The following TNRC6B variants were observed in gnomAD, a reference collection of about 807,000 sequenced individuals.
TNRC6B encodes the protein trinucleotide repeat containing adaptor 6B.
TNRC6B carries 52 observed loss-of-function variants against 203.6 expected under a neutral mutation model. That is an observed-to-expected ratio of 0.26 (90% CI 0.20 to 0.32). The LOEUF (loss-of-function observed/expected upper bound fraction) is 0.32. TNRC6B is among the 10% of genes least tolerant of loss of function. The pLI is 1.00. For synonymous variants in TNRC6B, 838 were observed against 845.7 expected (o/e 0.99, Z 0.16); for missense variants, 1,923 against 2,286.2 (o/e 0.84, Z 3.24).
intron 1 of TNRC6B, among the ~76,000 whole-genome samples, chr22:40,218,711 G>A (rs893433584): frequency 5.3e-5 from 8 of 152,116 alleles, no homozygotes; most frequent in Non-Finnish European, 7.4e-5. Flanking sequence ...TTATTTAAGT[G>A]CCTTTCTTGG....
intron 1 of TNRC6B, among the ~76,000 whole-genome samples, chr22:40,087,559 T>C (rs1190163518): frequency 1.3e-5 from 2 of 152,112 alleles, no homozygotes; most frequent in Non-Finnish European, 2.9e-5. Flanking sequence ...TACAGGGAGC[T>C]GTAAGAGTGA....
intron 3 of TNRC6B, among the ~76,000 whole-genome samples, chr22:40,153,185 CA>C (rs890774155): frequency 2.0e-5 from 3 of 152,224 alleles, no homozygotes; most frequent in African/African-American, 4.8e-5. Flanking sequence ...TTCAAGGTCT[CA>C]AAAAAATTCA....
intron 2 of TNRC6B, among the ~76,000 whole-genome samples, chr22:40,119,500 C>G (rs1414570213): frequency 6.6e-6 from 1 of 152,186 alleles, no homozygotes; most frequent in African/African-American, 2.4e-5. Flanking sequence ...AGGAGAATCG[C>G]TTGAACCTGG....
intron 1 of TNRC6B, among the ~76,000 whole-genome samples, chr22:40,102,143 TA>T (rs1443600884): frequency 6.6e-6 from 1 of 152,248 alleles, no homozygotes; most frequent in Non-Finnish European, 1.5e-5. Context: ...CATATGAATA[TA>T]TTTTTTTAAA....
At chr22:40,102,496 A>C (rs1345808122) in intron 1 of TNRC6B, among the ~76,000 whole-genome samples, 1 of 151,744 alleles carries the variant, frequency 6.6e-6, no homozygotes, top group Non-Finnish European at 1.5e-5. Context: ...TTGGCCTCAC[A>C]TGTGTGGATG....
At chr22:40,318,862 G>A (rs2071295809) in intron 21 of TNRC6B, among the ~76,000 whole-genome samples, 1 of 152,110 alleles carries the variant, frequency 6.6e-6, no homozygotes, top group Non-Finnish European at 1.5e-5. Context: ...CCTGAGGTCA[G>A]GAGTTCCAGA....
At chr22:40,258,952 A>T (rs2070329289) in intron 3 of TNRC6B, among the ~76,000 whole-genome samples, 1 of 152,174 alleles carries the variant, frequency 6.6e-6, no homozygotes, top group South Asian at 2.1e-4. Context: ...GACCTGGGTA[A>T]CTTATAATGA....
chr22:40,083,110 T>G (rs1385017767), intron 1 of TNRC6B, among the ~76,000 whole-genome samples: 1 of 152,092 alleles, frequency 6.6e-6, no homozygotes, highest in Non-Finnish European at 1.5e-5. Context: ...GGGTTTGATA[T>G]TAAGTTCTGA....
chr22:40,242,540 C>G (rs2070045702), intron 1 of TNRC6B, among the ~76,000 whole-genome samples: 1 of 151,840 alleles, frequency 6.6e-6, no homozygotes, highest in Non-Finnish European at 1.5e-5. Flanking sequence ...AAGCGATTGT[C>G]CTGCCTCAGC....
At chr22:40,248,359 G>A (rs551585928) in intron 2 of TNRC6B, among the ~76,000 whole-genome samples, 2 of 152,164 alleles carry the variant, frequency 1.3e-5, no homozygotes, top group Admixed American at 6.5e-5. Flanking sequence ...TACAAAAATC[G>A]GATTTTGCAG....
intron 4 of TNRC6B, among the ~76,000 whole-genome samples, chr22:40,170,091 G>A (rs2068957501): frequency 6.6e-6 from 1 of 150,700 alleles, no homozygotes. Flanking sequence ...GTCAGTCTGA[G>A]CAACATGGTG....
chr22:40,170,829 ATACATATATG>A (rs1304984263), intron 4 of TNRC6B, among the ~76,000 whole-genome samples: 3 of 91,588 alleles, frequency 3.3e-5, no homozygotes, highest in Non-Finnish European at 6.2e-5. Flanking sequence ...GTGTGTGTAT[ATACATATATG>A]TACATATATG....
chr22:40,219,996 A>T lies in TNRC6B; in HGVS notation c.6-26019A>T, dbSNP rs571096802. On this transcript the variant is annotated intron_variant, in intron 1 of 22. Coordinates refer to ENST00000454349, the MANE Select transcript of TNRC6B (RefSeq NM_001162501.2). ...AACGCATGGGGGAAAAACGGGTTTT[A>T]TTGCAGAGGGAGACCCTTTGTTTCA... Among the ~76,000 whole-genome samples, 60 of 152,316 alleles carry T rather than the reference A, an allele frequency of 3.9e-4. No homozygotes were observed. In the South Asian group the frequency reaches 0.012, roughly 30 times the overall value.
intron 12 of TNRC6B, among the ~76,000 whole-genome samples, chr22:40,289,288 GAAAA>G (rs966731271): frequency 2.0e-5 from 3 of 151,320 alleles, no homozygotes; most frequent in Non-Finnish European, 4.4e-5. Flanking sequence ...TCTCAAAAAA[GAAAA>G]AAAGAGGAAG....
Position 40,178,075 on chromosome 22 carries a change from T to G in TNRC6B, c.-61T>G. 6.3e-7 allele frequency: 1 copy of G among 1,597,596 alleles called. No homozygotes were observed. The highest frequency in any genetic ancestry group is 8.5e-7 in the Non-Finnish European group (1 of 1,174,794). ...AAAAGAATTCATTTTTTGGACCTTT[T>G]TTCATTTCCATTTCTACCTTGTATG... On this transcript the variant is annotated 5_prime_UTR_variant, in exon 1 of 23. Coordinates refer to ENST00000454349, the MANE Select transcript of TNRC6B (RefSeq NM_001162501.2).
rs1181613595 is a variant in TNRC6B, at chr22:40,075,154, A to ATT, written c.-121+30157_-121+30158insTT. ...GTTCTGTTCATATATATATATATAT[A>ATT]TATTTTTTTTTTTTTTTTTTTTTTT... On this transcript the variant is annotated intron_variant, in intron 1 of 23. Coordinates refer to the TNRC6B transcript ENST00000301923. Among the ~76,000 whole-genome samples the ATT allele has an allele frequency of 6.9e-3, 378 of 55,122 alleles. 1 individual carries two copies. Among genetic ancestry groups the ATT allele is most frequent in the Non-Finnish European group, 8.5e-3 (269 of 31,824 alleles). 36.2% of individuals were successfully genotyped at this position (55,122 alleles called of 152,430 possible).
intron 1 of TNRC6B, among the ~76,000 whole-genome samples, chr22:40,115,239 AATG>A (rs1180086905): frequency 6.6e-6 from 1 of 152,230 alleles, no homozygotes; most frequent in East Asian, 1.9e-4. Flanking sequence ...TATTTGGACT[AATG>A]ATAGATCCAG....
chr22:40,228,096 G>A (rs1279084934), intron 1 of TNRC6B, among the ~76,000 whole-genome samples: 1 of 152,134 alleles, frequency 6.6e-6, no homozygotes, highest in South Asian at 2.1e-4. Flanking sequence ...GGCCCTTAAG[G>A]TGTAAACATA....
intron 1 of TNRC6B, among the ~76,000 whole-genome samples, chr22:40,102,294 G>A (rs1376758580): frequency 1.3e-5 from 2 of 152,190 alleles, no homozygotes; most frequent in African/African-American, 4.8e-5. Context: ...GTTTGTACAG[G>A]TGGGATGAAA....
Sources: allele counts gnomAD v4.1 joint callset (sites outside exome capture counted in the v4.1 genomes callset), GRCh38; gene constraint gnomAD v4.1.1; transcripts MANE v1.5; gene names NCBI Gene and HGNC (gene_info 2026-07-23, HGNC 2026-07-21).